COL19A1: variants seen among roughly 807,000 people sequenced by gnomAD.
The protein encoded by COL19A1 is collagen type XIX alpha 1 chain, also known as collagen alpha-1(XIX) chain.
Under a neutral mutation model 190.2 loss-of-function variants are expected in COL19A1, and 159 were observed. That is an observed-to-expected ratio of 0.84 (90% CI 0.73 to 0.95). COL19A1 has a LOEUF of 0.95. COL19A1 is among the 40% of genes least tolerant of loss of function. The probability of loss-of-function intolerance (pLI) is 0.00; values close to 1 mark genes in which losing one functional copy is unlikely to be tolerated. For synonymous variants in COL19A1, 509 were observed against 458.9 expected (o/e 1.11, Z -1.39); for missense variants, 1,418 against 1,431.9 (o/e 0.99, Z 0.16).
intron 11 of COL19A1, among the ~76,000 whole-genome samples, chr6:69,977,225 A>G (rs1775763814): frequency 6.6e-6 from 1 of 152,178 alleles, no homozygotes; most frequent in Admixed American, 6.5e-5. Flanking sequence ...ATGCAATACT[A>G]TGCAGCCATA....
intron 49 of COL19A1, among the ~76,000 whole-genome samples, chr6:70,204,866 GA>G (rs1350141909): frequency 1.3e-5 from 2 of 152,046 alleles, no homozygotes; most frequent in East Asian, 3.9e-4. Context: ...TATACCTCAG[GA>G]AATAAATATT....
In COL19A1 at chr6:70,023,687, C is replaced by G. The variant is rs776730386; in HGVS notation, c.1080+7C>G. 6.2e-7 allele frequency: 1 copy of G among 1,606,334 alleles called. No homozygotes were observed. Among genetic ancestry groups the G allele is most frequent in the Admixed American group, 1.7e-5 (1 of 58,604 alleles). Reference sequence around the variant, plus strand: ...TGGCCTTAATGGAGAAAATGTAAGCCTAACTCTTTTTTCTGATACTCTGTT... The same window carrying G: ...TGGCCTTAATGGAGAAAATGTAAGCGTAACTCTTTTTTCTGATACTCTGTT... On this transcript the variant is annotated splice_region_variant and intron_variant, in intron 12 of 50. Coordinates refer to ENST00000620364, the MANE Select transcript of COL19A1 (RefSeq NM_001858.6).
intron 2 of COL19A1, among the ~76,000 whole-genome samples, chr6:69,897,271 A>G (rs1393230931): frequency 6.6e-6 from 1 of 152,180 alleles, no homozygotes; most frequent in Non-Finnish European, 1.5e-5. Context: ...TTTCTGTGGT[A>G]AATAAGGAGA....
intron 40 of COL19A1, 118 bp downstream of exon 40, chr6:70,168,799 G>GCAT: frequency 1.9e-6 from 2 of 1,035,400 alleles, no homozygotes; most frequent in African/African-American, 1.6e-5. Flanking sequence ...ACATGCTGGT[G>GCAT]GTGACAAGCA....
At chr6:69,929,754 A>G in intron 6 of COL19A1, 54 bp downstream of exon 6, 1 of 1,496,724 alleles carries the variant, frequency 6.7e-7, no homozygotes. Flanking sequence ...GTAAAAAAAA[A>G]ATCTTATTAA....
intron 11 of COL19A1, among the ~76,000 whole-genome samples, chr6:69,976,335 A>G (rs1396122397): frequency 6.6e-6 from 1 of 152,224 alleles, no homozygotes; most frequent in African/African-American, 2.4e-5. Context: ...ATAATCCAAT[A>G]TGATACTGTA....
chr6:70,184,923 T>C lies in COL19A1; in HGVS notation c.2856+8T>C, dbSNP rs113934967. 4.0e-4 allele frequency: 646 copies of C among 1,610,090 alleles called. 1 individual carries two copies. In the African/African-American group the frequency reaches 6.6e-3, roughly 16 times the overall value. On this transcript the variant is annotated splice_region_variant and intron_variant, in intron 46 of 50. Transcript: ENST00000620364. The stretch of plus-strand genomic sequence containing the variant: ...GGCCCCAAAGGAGAACGTGTATGTA[T>C]ATTACTATTGTGATTGTTATTCAAG...
At chr6:70,125,101 A>ATTATTTCATT (rs71309304) in intron 17 of COL19A1, among the ~76,000 whole-genome samples, 4 of 151,670 alleles carry the variant, frequency 2.6e-5, no homozygotes, top group African/African-American at 9.7e-5. Context: ...GGACACTGAG[A>ATTATTTCATT]TTGCAATTTG....
intron 2 of COL19A1, among the ~76,000 whole-genome samples, chr6:69,896,896 T>C (rs896810929): frequency 6.6e-6 from 1 of 152,250 alleles, no homozygotes. Context: ...TGATACTTTA[T>C]TGCATATTTG....
At chr6:70,163,312 T>C in intron 35 of COL19A1, 31 bp from the exon 36 acceptor site, 1 of 1,604,604 alleles carries the variant, frequency 6.2e-7, no homozygotes, top group Non-Finnish European at 8.5e-7. Context: ...AATTGTTGTT[T>C]CTGTAACAAA....
intron 46 of COL19A1, 96 bp downstream of exon 46, chr6:70,185,011 T>C: frequency 8.6e-7 from 1 of 1,166,316 alleles, no homozygotes; most frequent in Non-Finnish European, 1.2e-6. Flanking sequence ...CCCCTGCAAA[T>C]CACCAAATCT....
chr6:69,986,914 TTTGTG>T lies in COL19A1; in HGVS notation c.1026+24064_1026+24068del, dbSNP rs139952850. On this transcript the variant is annotated intron_variant, in intron 11 of 50. Coordinates refer to ENST00000620364, the MANE Select transcript of COL19A1 (RefSeq NM_001858.6). ...GGATACTTTTTGTATTTTGTTTCAT[TTTGTG>T]TTGTGTTGTGTTGTGTTGTTTGAGA... is the stretch of plus-strand genomic sequence containing the variant. Among the ~76,000 whole-genome samples the T allele has an allele frequency of 5.5e-3, 834 of 152,254 alleles. 18 individuals carry two copies. In the East Asian group the frequency reaches 0.068, roughly 12 times the overall value.
chr6:69,954,327 T>A (rs372895520), intron 9 of COL19A1, among the ~76,000 whole-genome samples: 1 of 151,984 alleles, frequency 6.6e-6, no homozygotes, highest in East Asian at 1.9e-4. Context: ...TCATCTCTAA[T>A]CCCAGCAACT....
At chr6:69,928,794 G>C (rs562907992) in intron 5 of COL19A1, among the ~76,000 whole-genome samples, 1 of 152,300 alleles carries the variant, frequency 6.6e-6, no homozygotes, top group East Asian at 1.9e-4. Flanking sequence ...AAAATTACTT[G>C]TTGGCACCAT....
At chr6:70,035,796 A>G (rs551117122) in intron 13 of COL19A1, 108 bp from the exon 14 acceptor site, 8 of 828,510 alleles carry the variant, frequency 9.7e-6, no homozygotes, top group African/African-American at 5.2e-5. Flanking sequence ...CTATTTTTCT[A>G]TTCTTCAAGA....
At chr6:69,896,546 A>AAAAC (rs1401759323) in intron 2 of COL19A1, among the ~76,000 whole-genome samples, 1 of 110,484 alleles carries the variant, frequency 9.1e-6, no homozygotes, top group Non-Finnish European at 1.8e-5. Context: ...TCCGTCTCAA[A>AAAAC]AAAAAAAAAA....
At chr6:69,890,963 G>C in intron 2 of COL19A1, 1 of 226,756 alleles carries the variant, frequency 4.4e-6, no homozygotes, top group South Asian at 6.2e-5. Context: ...CTGTTTTGGG[G>C]AAACGGAAGT....
chr6:69,993,873 C>T (rs1011278035), intron 11 of COL19A1, among the ~76,000 whole-genome samples: 2 of 151,402 alleles, frequency 1.3e-5, no homozygotes, highest in African/African-American at 4.8e-5. Flanking sequence ...AGTGGTCTAT[C>T]AATCTTATTT....
At position 70,210,799 on chromosome 6, in the gene COL19A1, A is replaced by G. The variant is rs1189600667; in HGVS notation, c.*3525A>G. ...TTGCACTTTTTTTTAACTTTTGTAG[A>G]TAATTTTTGTTAATTTGTTTTGTTA... is the stretch of plus-strand genomic sequence containing the variant. On this transcript the variant is annotated 3_prime_UTR_variant, in exon 51 of 51. Transcript: ENST00000620364. Among the ~76,000 whole-genome samples the G allele has an allele frequency of 3.3e-5, 5 of 152,082 alleles. No individual in the cohort carries two copies. The highest frequency in any genetic ancestry group is 1.2e-4 in the African/African-American group (5 of 41,426).
Sources: gnomAD v4.1 joint callset for allele counts (sites outside exome capture counted in the v4.1 genomes callset) on GRCh38, gnomAD v4.1.1 for gene constraint, MANE v1.5 for transcripts, NCBI Gene and HGNC (gene_info 2026-07-23, HGNC 2026-07-21) for gene names.